SYT1: variants seen among roughly 807,000 people sequenced by gnomAD.
The protein encoded by SYT1 is synaptotagmin-1.
Under a neutral mutation model 44.8 loss-of-function variants are expected in SYT1, and 8 were observed. The ratio of observed to expected loss-of-function variants is 0.18; its 90% CI spans 0.10 to 0.32. The LOEUF is 0.32. SYT1 is among the 10% of genes least tolerant of loss of function. The pLI, the probability that SYT1 is intolerant of heterozygous loss-of-function variation, is 1.00. For synonymous variants in SYT1, 154 were observed against 188.8 expected (o/e 0.82, Z 1.51); for missense variants, 286 against 509.3 (o/e 0.56, Z 4.22).
At chr12:79,267,102 A>C (rs1008519265) in intron 4 of SYT1, among the ~76,000 whole-genome samples, 4 of 152,206 alleles carry the variant, frequency 2.6e-5, no homozygotes, top group African/African-American at 9.6e-5. Context: ...AAGGTAGTGG[A>C]GGAAAAAAAA....
chr12:78,985,046 C>G (rs986081857), intron 2 of SYT1, among the ~76,000 whole-genome samples: 2 of 151,582 alleles, frequency 1.3e-5, no homozygotes, highest in African/African-American at 4.8e-5. Context: ...ACATTGTATA[C>G]CGAGAACCAA....
At chr12:78,872,630 C>T (rs545793160) in intron 1 of SYT1, among the ~76,000 whole-genome samples, 1 of 151,596 alleles carries the variant, frequency 6.6e-6, no homozygotes, top group African/African-American at 2.4e-5. Context: ...TTTCTTCATT[C>T]TTTTGTCTTT....
At chr12:79,039,826 T>A (rs1296313077) in intron 2 of SYT1, among the ~76,000 whole-genome samples, 1 of 135,828 alleles carries the variant, frequency 7.4e-6, no homozygotes. Context: ...CCTGTGTCCA[T>A]GTGATCTCAT....
chr12:78,937,455 A>G (rs970792946), intron 1 of SYT1, among the ~76,000 whole-genome samples: 1 of 152,176 alleles, frequency 6.6e-6, no homozygotes. Context: ...ATTGCATAGA[A>G]GAGGATTATC....
In SYT1 at chr12:79,039,039, G is replaced by A. The variant is rs73351480; in HGVS notation, c.-83-8258G>A. 4.8e-3 allele frequency among the ~76,000 whole-genome samples: 729 copies of A among 151,968 alleles called. 7 individuals are homozygous for A. Among genetic ancestry groups the A allele is most frequent in the African/African-American group, 0.017 (694 of 41,510 alleles). On this transcript the variant is annotated intron_variant, in intron 2 of 10. Transcript: ENST00000261205. ...AGTTGTCTTCCTCCCCAAAAATGCC[G>A]CAAAAATTATTTGTATATTTCTGAT...
chr12:78,955,843 T>G (rs1230099778), intron 1 of SYT1, among the ~76,000 whole-genome samples: 2 of 144,852 alleles, frequency 1.4e-5, no homozygotes, highest in Non-Finnish European at 3.1e-5. Context: ...TGTGTGCATG[T>G]AGAGAGAGAG....
chr12:79,043,408 G>A (rs1232162736), intron 2 of SYT1, among the ~76,000 whole-genome samples: 49 of 148,124 alleles, frequency 3.3e-4, no homozygotes, highest in African/African-American at 4.5e-4. Flanking sequence ...TTTGATCTTT[G>A]TTGGTTTAAA....
chr12:79,161,082 A>G (rs770087878), intron 3 of SYT1, among the ~76,000 whole-genome samples: 1 of 152,084 alleles, frequency 6.6e-6, no homozygotes, highest in Non-Finnish European at 1.5e-5. Flanking sequence ...TTTAAAAAAC[A>G]CAAAAAATAT....
At chr12:79,011,049 C>T (rs765296992) in intron 2 of SYT1, among the ~76,000 whole-genome samples, 10 of 152,060 alleles carry the variant, frequency 6.6e-5, no homozygotes, top group Non-Finnish European at 1.5e-4. Flanking sequence ...GAAGTTCTTA[C>T]AGAATTTGCG....
At chr12:78,880,803 C>T (rs534408683) in intron 1 of SYT1, among the ~76,000 whole-genome samples, 1 of 151,392 alleles carries the variant, frequency 6.6e-6, no homozygotes, top group South Asian at 2.1e-4. Context: ...GTCTATTATA[C>T]CATACTTGGA....
intron 2 of SYT1, among the ~76,000 whole-genome samples, chr12:79,037,782 C>A (rs1873233674): frequency 6.6e-6 from 1 of 151,748 alleles, no homozygotes; most frequent in Non-Finnish European, 1.5e-5. Context: ...TAGAACATTT[C>A]TTTGTTTACT....
intron 3 of SYT1, among the ~76,000 whole-genome samples, chr12:79,065,163 A>T (rs931596110): frequency 2.0e-5 from 3 of 152,114 alleles, no homozygotes; most frequent in South Asian, 2.1e-4. Flanking sequence ...GCTTCAGCCC[A>T]GGAGTTTGAG....
At chr12:79,293,284 A>G (rs1429391811) in intron 6 of SYT1, among the ~76,000 whole-genome samples, 1 of 151,090 alleles carries the variant, frequency 6.6e-6, no homozygotes, top group Non-Finnish European at 1.5e-5. Context: ...AGATCGTGCC[A>G]CTGCACTCCA....
chr12:79,162,543 T>C (rs1029498456), intron 3 of SYT1, among the ~76,000 whole-genome samples: 2 of 152,160 alleles, frequency 1.3e-5, no homozygotes, highest in African/African-American at 4.8e-5. Context: ...AGCTTCTCTC[T>C]GGCCTTCTCA....
At chr12:79,300,789 T>TTATATATATCTATCTATATATA (rs1880103491) in intron 8 of SYT1, among the ~76,000 whole-genome samples, 1 of 89,624 alleles carries the variant, frequency 1.1e-5, no homozygotes. Context: ...TGTATACTTA[T>TTATATATATCTATCTATATATA]TATATATATA....
chr12:79,094,877 T>C (rs1878020493), intron 3 of SYT1, among the ~76,000 whole-genome samples: 1 of 151,872 alleles, frequency 6.6e-6, no homozygotes, highest in African/African-American at 2.4e-5. Flanking sequence ...TAACCAAGTG[T>C]CTAAAGTTAG....
At chr12:78,999,984 A>C (rs1322397098) in intron 2 of SYT1, among the ~76,000 whole-genome samples, 1 of 152,348 alleles carries the variant, frequency 6.6e-6, no homozygotes, top group Non-Finnish European at 1.5e-5. Flanking sequence ...TCATGGAAAT[A>C]TACAAAATGT....
At chr12:79,302,929 CTTAAT>C (rs1880218208) in intron 8 of SYT1, among the ~76,000 whole-genome samples, 1 of 152,026 alleles carries the variant, frequency 6.6e-6, no homozygotes, top group Admixed American at 6.6e-5. Flanking sequence ...ACTGTTGTTT[CTTAAT>C]TTTTTTATTT....
At chr12:79,114,365 A>G (rs1040697092) in intron 3 of SYT1, among the ~76,000 whole-genome samples, 2 of 152,172 alleles carry the variant, frequency 1.3e-5, no homozygotes, top group African/African-American at 2.4e-5. Context: ...ACCCTGGTAC[A>G]TGTAGGATAA....
Sources: gnomAD v4.1 joint callset for allele counts (sites outside exome capture counted in the v4.1 genomes callset) on GRCh38, gnomAD v4.1.1 for gene constraint, MANE v1.5 for transcripts, NCBI Gene and HGNC (gene_info 2026-07-23, HGNC 2026-07-21) for gene names.